Variants in CAMK4 observed in about 807,000 individuals in gnomAD.
The protein encoded by CAMK4 is calcium/calmodulin dependent protein kinase IV.
Under a neutral mutation model 44.9 loss-of-function variants are expected in CAMK4, and 22 were observed. The observed-to-expected ratio is 0.49, with a 90% confidence interval of 0.35 to 0.70. The LOEUF is 0.70. Among genes scored for constraint, CAMK4 ranks in the 30% least tolerant of loss-of-function variants. The probability of loss-of-function intolerance (pLI) is 0.01; values close to 1 mark genes in which losing one functional copy is unlikely to be tolerated. For missense variants in CAMK4, 498 were observed against 586.8 expected (o/e 0.85, Z 1.56); for synonymous variants, 218 against 215.4 (o/e 1.01, Z -0.11).
chr5:111,356,183 A>G (rs1467765046), intron 2 of CAMK4, among the ~76,000 whole-genome samples: 1 of 147,458 alleles, frequency 6.8e-6, no homozygotes, highest in African/African-American at 2.5e-5. Context: ...TGACTTTTTA[A>G]TGATTGCCAT....
intron 1 of CAMK4, among the ~76,000 whole-genome samples, chr5:111,320,901 G>C (rs1748635837): frequency 6.6e-6 from 1 of 152,202 alleles, no homozygotes; most frequent in Admixed American, 6.5e-5. Context: ...ACTATGGGCT[G>C]TCACAGTTAA....
At chr5:111,429,014 G>T (rs1179516139) in intron 5 of CAMK4, among the ~76,000 whole-genome samples, 1 of 152,148 alleles carries the variant, frequency 6.6e-6, no homozygotes, top group Non-Finnish European at 1.5e-5. Context: ...GAAGTTTATA[G>T]CTATATGTAC....
At chr5:111,314,063 C>A (rs1044689852) in intron 1 of CAMK4, among the ~76,000 whole-genome samples, 1 of 151,880 alleles carries the variant, frequency 6.6e-6, no homozygotes, top group African/African-American at 2.4e-5. Flanking sequence ...GAAGCCACTC[C>A]CCAAAAGTGT....
Position 111,406,261 on chromosome 5 carries a change from C to A in CAMK4, c.459+11479C>A, listed in dbSNP as rs747189534. ...TTTAGACAGAGTCTTGCTCTTGTCA[C>A]CCAGGCTGGAGTGCAGTGGTGTGAT... On this transcript the variant is annotated intron_variant, in intron 5 of 10. Transcript: ENST00000282356. 1.0e-4 allele frequency among the ~76,000 whole-genome samples: 15 copies of A among 150,334 alleles called. No individual in the cohort carries two copies. The East Asian group carries it at 1.6e-3, about 16-fold the overall frequency.
intron 1 of CAMK4, among the ~76,000 whole-genome samples, chr5:111,339,770 G>A (rs1457317719): frequency 6.6e-6 from 1 of 151,132 alleles, no homozygotes; most frequent in Non-Finnish European, 1.5e-5. Context: ...CAATGTTATT[G>A]GAATTTTGAT....
intron 5 of CAMK4, among the ~76,000 whole-genome samples, chr5:111,407,950 C>T (rs756658096): frequency 6.8e-4 from 103 of 152,110 alleles, no homozygotes; most frequent in Admixed American, 3.0e-3. Flanking sequence ...ACATGGTGAA[C>T]CCTCATCTCT....
At chr5:111,420,944 T>A (rs1201756408) in intron 5 of CAMK4, among the ~76,000 whole-genome samples, 2 of 152,106 alleles carry the variant, frequency 1.3e-5, no homozygotes, top group Non-Finnish European at 2.9e-5. Flanking sequence ...TGAGGCAACA[T>A]ACATCCTCCT....
rs1341950635 is a variant in CAMK4 at position 111,488,791 on chromosome 5, A to T, written c.*4325A>T. On this transcript the variant is annotated 3_prime_UTR_variant, in exon 11 of 11. Transcript: ENST00000282356. The stretch of plus-strand genomic sequence containing the variant: ...AGCACTAGCATTTTCTTGATGGTTG[A>T]CTCAATGTATAATTAACAAATATAC... 1 of 152,196 alleles carries T rather than the reference A, an allele frequency of 6.6e-6. No homozygotes were observed. Among genetic ancestry groups the T allele is most frequent in the African/African-American group, 2.4e-5 (1 of 41,458 alleles). The allele number at this position is 152,196 out of a possible 1,614,324, so 9.4% of individuals were successfully genotyped here. A position where few individuals can be genotyped will look rare whatever the true frequency, so the allele number is the denominator to read the frequency against.
rs117590959 is a variant in CAMK4 at position 111,436,459 on chromosome 5, C to T, written c.460-10227C>T. Among the ~76,000 whole-genome samples, 174 of 152,306 alleles carry T rather than the reference C, an allele frequency of 1.1e-3. 1 individual carries two copies. In the East Asian group the frequency reaches 0.03, roughly 26 times the overall value. Reference sequence around the variant, plus strand: ...GCTTTCATCATTATCTTTCTACCAGCATCCTGTTCTTTTCCCCTATGACAT... The same window carrying T: ...GCTTTCATCATTATCTTTCTACCAGTATCCTGTTCTTTTCCCCTATGACAT... On this transcript the variant is annotated intron_variant, in intron 5 of 10. Coordinates refer to ENST00000282356, the MANE Select transcript of CAMK4 (RefSeq NM_001744.6).
At chr5:111,422,860 T>C (rs2112921097) in intron 5 of CAMK4, among the ~76,000 whole-genome samples, 1 of 152,326 alleles carries the variant, frequency 6.6e-6, no homozygotes, top group Middle Eastern at 3.4e-3. Context: ...TTGTAGCACT[T>C]ACCATGCTAT....
At chr5:111,338,842 C>A (rs1580615690) in intron 1 of CAMK4, among the ~76,000 whole-genome samples, 1 of 151,380 alleles carries the variant, frequency 6.6e-6, no homozygotes, top group African/African-American at 2.4e-5. Flanking sequence ...AATACCAGTA[C>A]TATGCTGTTT....
chr5:111,392,268 A>G (rs570318775), intron 4 of CAMK4, among the ~76,000 whole-genome samples: 1 of 152,282 alleles, frequency 6.6e-6, no homozygotes, highest in South Asian at 2.1e-4. Flanking sequence ...AAGGGGAAGC[A>G]AGTCACATCT....
chr5:111,311,991 A>G (rs1457571643), intron 1 of CAMK4, among the ~76,000 whole-genome samples: 1 of 152,202 alleles, frequency 6.6e-6, no homozygotes, highest in East Asian at 1.9e-4. Context: ...AGAAAAGTCA[A>G]AGATCTAAAA....
rs1288466116 is a variant in CAMK4 at position 111,489,930 on chromosome 5, G to GT, written c.*5465dup. Reference sequence around the variant, plus strand: ...GCATCCCAGACTGGAGAAATGCAGCGTATCTGTGGCCCAGAATTTTGTTTG... The same window carrying GT: ...GCATCCCAGACTGGAGAAATGCAGCGTTATCTGTGGCCCAGAATTTTGTTTG... On this transcript the variant is annotated 3_prime_UTR_variant, in exon 11 of 11. Transcript: ENST00000282356. 2.6e-5 allele frequency: 4 copies of GT among 152,184 alleles called. No homozygotes were observed. The highest frequency in any genetic ancestry group is 9.7e-5 in the African/African-American group (4 of 41,434). 9.4% of individuals were successfully genotyped at this position (152,184 alleles called of 1,614,324 possible).
At chr5:111,365,044 CT>C (rs1392172912) in intron 2 of CAMK4, 1 of 152,144 alleles carries the variant, frequency 6.6e-6, no homozygotes, top group Non-Finnish European at 1.5e-5. Flanking sequence ...TAAACTCACA[CT>C]GAAAAATCTG....
intron 5 of CAMK4, among the ~76,000 whole-genome samples, chr5:111,396,631 C>CTTTTTG (rs1752020144): frequency 2.1e-5 from 1 of 47,010 alleles, no homozygotes; most frequent in Non-Finnish European, 3.6e-5. Flanking sequence ...AACTCATATT[C>CTTTTTG]TTTTTTTTTT....
At chr5:111,370,696 C>T (rs961249544) in intron 2 of CAMK4, among the ~76,000 whole-genome samples, 4 of 152,046 alleles carry the variant, frequency 2.6e-5, no homozygotes, top group African/African-American at 9.7e-5. Flanking sequence ...ATGGGTGGAT[C>T]ACGAGGTCAA....
intron 7 of CAMK4, among the ~76,000 whole-genome samples, chr5:111,471,963 C>T (rs1031538475): frequency 6.6e-6 from 1 of 151,802 alleles, no homozygotes. Flanking sequence ...GCAGCGGCGC[C>T]ATCTCTGCAA....
chr5:111,253,791 T>A (rs921079984), intron 1 of CAMK4, among the ~76,000 whole-genome samples: 2 of 152,198 alleles, frequency 1.3e-5, no homozygotes, highest in Admixed American at 1.3e-4. Context: ...CCATTTTAAT[T>A]TTCTAATTTG....
Sources: gnomAD v4.1 joint callset for allele counts (sites outside exome capture counted in the v4.1 genomes callset) on GRCh38, gnomAD v4.1.1 for gene constraint, MANE v1.5 for transcripts, NCBI Gene and HGNC (gene_info 2026-07-23, HGNC 2026-07-21) for gene names.